ARHGEF4: variants seen among roughly 807,000 people sequenced by gnomAD.
ARHGEF4 encodes the protein Rho guanine nucleotide exchange factor 4.
ARHGEF4 carries 119 observed loss-of-function variants against 162.0 expected under a neutral mutation model. That is an observed-to-expected ratio of 0.73 (90% CI 0.63 to 0.86). The LOEUF is 0.86. ARHGEF4 is among the 40% of genes least tolerant of loss of function. ARHGEF4 has a pLI of 0.00. For synonymous variants in ARHGEF4, 1,014 were observed against 979.9 expected, an observed-to-expected ratio of 1.03 and a Z score of -0.65; for missense variants, 2,488 against 2,456.0, an observed-to-expected ratio of 1.01 and a Z score of -0.28.
chr2:130,958,473 A>C (rs1684429002), intron 4 of ARHGEF4, among the ~76,000 whole-genome samples: 1 of 150,964 alleles, frequency 6.6e-6, no homozygotes. Flanking sequence ...GTAGTGGCAC[A>C]ATCTCAGCTC....
chr2:130,916,262 G>A lies in ARHGEF4; in HGVS notation c.2316G>A (p.Leu772=). The A allele has an allele frequency of 6.6e-7, 1 of 1,525,256 alleles. No homozygotes were observed. The highest frequency in any genetic ancestry group is 1.4e-5 in the African/African-American group (1 of 70,932). 94.5% of individuals were successfully genotyped at this position (1,525,256 alleles called of 1,614,324 possible). The change falls in exon 2 of 14, where the codon TTG becomes TTA. Residue 772 remains leucine (L), a synonymous_variant. Transcript: ENST00000409359. ...ARGQRPRVPA[L]EPPQPPRGLR... is the part of the protein sequence containing the mutation. The stretch of plus-strand genomic sequence containing the variant: ...GCCAGCGCCCCCGCGTCCCCGCCTT[G>A]GAGCCGCCCCAGCCGCCACGCGGGC...
At chr2:130,890,983 T>C (rs1679832028) in intron 1 of ARHGEF4, among the ~76,000 whole-genome samples, 1 of 152,180 alleles carries the variant, frequency 6.6e-6, no homozygotes, top group Admixed American at 6.5e-5. Flanking sequence ...TCTGAGAAAC[T>C]GAGACCTCTG....
chr2:130,856,166 A>G (rs955603581), intron 1 of ARHGEF4, among the ~76,000 whole-genome samples: 2 of 152,366 alleles, frequency 1.3e-5, no homozygotes, highest in African/African-American at 4.8e-5. Context: ...CTTCAAATAC[A>G]TAATATTGTT....
intron 4 of ARHGEF4, among the ~76,000 whole-genome samples, chr2:130,994,363 A>G (rs1687241570): frequency 6.6e-6 from 1 of 152,116 alleles, no homozygotes; most frequent in Non-Finnish European, 1.5e-5. Flanking sequence ...TGAAATGTAT[A>G]CACTCTTATT....
Position 130,943,341 on chromosome 2 carries a change from AT to A in ARHGEF4, c.3859-3164del, listed in dbSNP as rs531506799. Among the ~76,000 whole-genome samples, 626 of 152,144 alleles carry A rather than the reference AT, an allele frequency of 4.1e-3. 3 individuals are homozygous for A. The highest frequency in any genetic ancestry group is 0.014 in the African/African-American group (583 of 41,522). ...TTACTTTCTACCTGCCTTTATCATT[AT>A]TTTGAAAGTAGGTTTCTTGTAGATA... is the stretch of plus-strand genomic sequence containing the variant. On this transcript the variant is annotated intron_variant, in intron 3 of 13. Coordinates refer to ENST00000409359, the MANE Select transcript of ARHGEF4 (RefSeq NM_001367493.1).
At chr2:131,025,329 C>G (rs887797991) in intron 4 of ARHGEF4, among the ~76,000 whole-genome samples, 2 of 152,212 alleles carry the variant, frequency 1.3e-5, no homozygotes, top group Non-Finnish European at 1.5e-5. Flanking sequence ...AATCCGCCCC[C>G]ATGATCCAAT....
At chr2:131,042,675 G>A (rs993086348) in intron 10 of ARHGEF4, among the ~76,000 whole-genome samples, 1 of 152,234 alleles carries the variant, frequency 6.6e-6, no homozygotes, top group Non-Finnish European at 1.5e-5. Context: ...AATAGGGGCA[G>A]TCAGCTGTGA....
At chr2:130,881,578 G>T (rs919326686) in intron 1 of ARHGEF4, among the ~76,000 whole-genome samples, 7 of 151,174 alleles carry the variant, frequency 4.6e-5, no homozygotes, top group Non-Finnish European at 1.0e-4. Flanking sequence ...GCCCTTGCTG[G>T]TGGGAGTTCA....
chr2:130,987,601 T>A (rs1686607376), intron 4 of ARHGEF4, among the ~76,000 whole-genome samples: 1 of 152,200 alleles, frequency 6.6e-6, no homozygotes, highest in Non-Finnish European at 1.5e-5. Flanking sequence ...TCCTGCTGAT[T>A]GGTGCGTTTT....
At chr2:131,043,812 TC>T in intron 11 of ARHGEF4, 1 of 578,158 alleles carries the variant, frequency 1.7e-6, no homozygotes, top group South Asian at 2.0e-5. Context: ...GAGAGCATGA[TC>T]TTTCCTGACC....
chr2:130,888,854 A>C (rs35286695), intron 1 of ARHGEF4, among the ~76,000 whole-genome samples: 23,431 of 151,868 alleles, frequency 0.15, 2,147 homozygotes, highest in Admixed American at 0.23. Flanking sequence ...TAATCCCAGC[A>C]CTCTGGGAGG....
rs1372928705 is a variant in ARHGEF4 at position 131,044,535 on chromosome 2, G to A, written c.5394G>A (p.Gln1798=). The change falls in exon 12 of 14, where the codon CAG becomes CAA. Residue 1798 remains glutamine, a synonymous_variant. Coordinates refer to ENST00000409359, the MANE Select transcript of ARHGEF4 (RefSeq NM_001367493.1). ...AREREQVQLD[Q]ETGFSITELQ... is the part of the protein sequence containing the mutation. ...AGAGGGAGCAGGTGCAGCTGGACCA[G>A]GAGACAGGTTCGAGACCCTGCTGGG... The A allele has an allele frequency of 1.3e-6, 2 of 1,550,434 alleles. No homozygotes were observed. The highest frequency in any genetic ancestry group is 2.0e-5 in the Admixed American group (1 of 51,044).
intron 4 of ARHGEF4, among the ~76,000 whole-genome samples, chr2:131,025,157 A>G (rs568488801): frequency 1.3e-5 from 2 of 152,332 alleles, no homozygotes; most frequent in East Asian, 3.9e-4. Context: ...CATGACAGGG[A>G]GGCCTCAGGA....
intron 1 of ARHGEF4, among the ~76,000 whole-genome samples, chr2:130,850,993 C>G (rs544184988): frequency 1.3e-5 from 2 of 152,370 alleles, no homozygotes; most frequent in African/African-American, 4.8e-5. Flanking sequence ...TTGGGCCGTT[C>G]ACTCAGCTCC....
At position 130,944,510 on chromosome 2, in the gene ARHGEF4, A is replaced by ATGCT. The variant is rs543639624; in HGVS notation, c.3859-1997_3859-1994dup. On this transcript the variant is annotated intron_variant, in intron 3 of 13. Transcript: ENST00000409359. ...GGATAATTTCTGTTGAGCTGTTTACATGCTTACTGATTCTTTCCTTTTTCA... is the reference window on the plus strand; with the variant it reads ...GGATAATTTCTGTTGAGCTGTTTACATGCTTGCTTACTGATTCTTTCCTTTTTCA... 2.8e-3 allele frequency among the ~76,000 whole-genome samples: 427 copies of ATGCT among 152,280 alleles called. 1 individual carries two copies. Among genetic ancestry groups the ATGCT allele is most frequent in the Non-Finnish European group, 4.4e-3 (301 of 68,016 alleles).
rs976355206 is a variant in ARHGEF4, at chr2:130,931,234, G to A, written c.3835G>A (p.Ala1279Thr). The A allele has an allele frequency of 1.2e-6, 2 of 1,610,874 alleles. No individual in the cohort carries two copies. The highest frequency in any genetic ancestry group is 8.5e-7 in the Non-Finnish European group (1 of 1,177,842). The change falls in exon 3 of 14, where the codon GCA (alanine) becomes ACA (threonine). Residue 1279 changes from alanine (A) to threonine (T), a missense_variant. Physicochemically the swap from Ala to Thr is moderately conservative, Grantham distance 58. Coordinates refer to ENST00000409359, the MANE Select transcript of ARHGEF4 (RefSeq NM_001367493.1). Reference sequence around the variant, plus strand: ...CGTCGAAAGGAGGCTGCACATAGGGGCAGTGCACAAAGATGGAGTCAAGGT... The same window carrying A: ...CGTCGAAAGGAGGCTGCACATAGGGACAGTGCACAAAGATGGAGTCAAGGT... The part of the protein sequence containing the change: ...AHVERRLHIG[A>T]VHKDGVKCWR...
intron 4 of ARHGEF4, among the ~76,000 whole-genome samples, chr2:130,954,023 T>C (rs1291487453): frequency 6.6e-6 from 1 of 152,180 alleles, no homozygotes; most frequent in East Asian, 1.9e-4. Context: ...GAACTAGAAA[T>C]ACCATTTGAC....
intron 4 of ARHGEF4, among the ~76,000 whole-genome samples, chr2:130,973,176 G>A (rs1685477371): frequency 6.6e-6 from 1 of 152,330 alleles, no homozygotes; most frequent in East Asian, 1.9e-4. Flanking sequence ...AAGTAAAGTT[G>A]CAATCAAGTT....
intron 4 of ARHGEF4, among the ~76,000 whole-genome samples, chr2:130,991,303 G>A (rs539298874): frequency 8.5e-5 from 13 of 152,360 alleles, no homozygotes; most frequent in African/African-American, 2.9e-4. Flanking sequence ...CACAGCCCTC[G>A]CTCGCTCTTG....
Sources: allele counts gnomAD v4.1 joint callset (sites outside exome capture counted in the v4.1 genomes callset), GRCh38; gene constraint gnomAD v4.1.1; transcripts MANE v1.5; gene names NCBI Gene and HGNC (gene_info 2026-07-23, HGNC 2026-07-21).